DOCK5: variants seen among roughly 807,000 people sequenced by gnomAD.
The protein encoded by DOCK5 is dedicator of cytokinesis protein 5.
In DOCK5, 142 loss-of-function variants were observed where a neutral mutation model predicts 251.8. The observed-to-expected ratio is 0.56, with a 90% CI of 0.49 to 0.65. The LOEUF is 0.65. Ranked by LOEUF, DOCK5 falls within the 30% of genes least tolerant of loss-of-function variation. The pLI, the probability that DOCK5 is intolerant of heterozygous loss-of-function variation, is 0.00. For missense variants in DOCK5, 2,111 were observed against 2,312.3 expected (o/e 0.91, Z 1.79); for synonymous variants, 842 against 835.5 (o/e 1.01, Z -0.13).
At chr8:25,376,003 C>A in intron 37 of DOCK5, 1 of 832,940 alleles carries the variant, frequency 1.2e-6, no homozygotes. Context: ...GAGGCTGAGG[C>A]AGGAGAATCA....
Position 25,340,943 on chromosome 8 carries a change from C to G in DOCK5, c.2394C>G (p.Phe798Leu). ...CAATTCGCCAGTTATTTCTTGCTTT[C>G]AATATGCTGATGGACAGGCCTCTGG... ...NNSIRQLFLAFNMLMDRPLEE... is the reference protein window; with the variant it reads ...NNSIRQLFLALNMLMDRPLEE... The change falls in exon 23 of 52, where the codon TTC becomes TTG. Residue 798 changes from phenylalanine (F) to leucine (L), a missense_variant. Physicochemically the swap from Phe to Leu is conservative, Grantham distance 22. This residue lies in a region of DOCK5 where 1,717 missense variants were observed against 1,892.4 expected (regional missense o/e 0.91). Transcript: ENST00000276440. 6.2e-7 allele frequency: 1 copy of G among 1,613,336 alleles called. No homozygotes were observed. Among genetic ancestry groups the G allele is most frequent in the Non-Finnish European group, 8.5e-7 (1 of 1,179,646 alleles).
chr8:25,390,166 A>C, intron 41 of DOCK5, 40 bp from the exon 42 acceptor site: 1 of 1,537,052 alleles, frequency 6.5e-7, no homozygotes, highest in South Asian at 1.2e-5. Context: ...TGACACCTTC[A>C]CGACCCCAGC....
At position 25,193,712 on chromosome 8, in the gene DOCK5, C is replaced by A. The variant is rs890006520; in HGVS notation, c.43+8761C>A. On this transcript the variant is annotated intron_variant, in intron 1 of 51. Transcript: ENST00000276440. ...CTGGGGAGGTCAAGGCTGCAGTTAG[C>A]TGTGATCGTGCCACTGCACTCCAGC... Among the ~76,000 whole-genome samples, 3 of 152,156 alleles carry A rather than the reference C, an allele frequency of 2.0e-5. No homozygotes were observed. In the East Asian group the frequency reaches 5.8e-4, roughly 30 times the overall value.
rs1049916600 is a variant in DOCK5 at position 25,342,506 on chromosome 8, A to G, written c.2616A>G (p.Ser872=). 12 of 1,575,796 alleles carry G rather than the reference A, an allele frequency of 7.6e-6. No homozygotes were observed. Among genetic ancestry groups the G allele is most frequent in the Non-Finnish European group, 9.5e-6 (11 of 1,157,900 alleles). The part of the protein sequence containing the change: ...KIVESTLFRQ[S]ECREVLLPLL... Reference sequence around the variant, plus strand: ...TAGAGAGCACTCTTTTTCGACAGTCAGGTAAGTCTCCTTCAAAACTTGCTG... The same window carrying G: ...TAGAGAGCACTCTTTTTCGACAGTCGGGTAAGTCTCCTTCAAAACTTGCTG... Residue 872 remains serine (S), a splice_region_variant and synonymous_variant, in exon 25 of 52, where the codon TCA becomes TCG. Coordinates refer to ENST00000276440, the MANE Select transcript of DOCK5 (RefSeq NM_024940.8).
At chr8:25,323,087 A>G (rs1413831808) in intron 16 of DOCK5, among the ~76,000 whole-genome samples, 1 of 152,098 alleles carries the variant, frequency 6.6e-6, no homozygotes, top group African/African-American at 2.4e-5. Flanking sequence ...GCCACAGGTT[A>G]CCCTACTCAG....
chr8:25,206,337 G>A lies in DOCK5; in HGVS notation c.43+21386G>A, dbSNP rs890000062. 4.6e-5 allele frequency among the ~76,000 whole-genome samples: 7 copies of A among 152,244 alleles called. No homozygotes were observed. The East Asian group carries it at 5.8e-4, about 13-fold the overall frequency. On this transcript the variant is annotated intron_variant, in intron 1 of 51. Transcript: ENST00000276440. The stretch of plus-strand genomic sequence containing the variant: ...CTCTTTAACCATTCATGCTGCAATA[G>A]TGTGCTGGTAAACTAGCTCTGTAGA...
At chr8:25,290,687 A>C (rs1804462453) in intron 5 of DOCK5, among the ~76,000 whole-genome samples, 1 of 152,180 alleles carries the variant, frequency 6.6e-6, no homozygotes, top group African/African-American at 2.4e-5. Context: ...TACATTTGCT[A>C]GAGTGCCTAC....
chr8:25,278,468 A>G, intron 4 of DOCK5, 101 bp from the exon 5 acceptor site: 1 of 1,148,630 alleles, frequency 8.7e-7, no homozygotes, highest in Non-Finnish European at 1.3e-6. Flanking sequence ...AGGCCTAACC[A>G]GCTTCATTCT....
chr8:25,403,630 C>G lies in DOCK5; in HGVS notation c.4999C>G (p.Leu1667Val), dbSNP rs1324301433. The change falls in exon 48 of 52, where the codon CTG becomes GTG. Residue 1667 changes from leucine (L) to valine (V), a missense_variant. Physicochemically the swap from Leu to Val is conservative, Grantham distance 32. This residue lies in a region of DOCK5 where 1,717 missense variants were observed against 1,892.4 expected (regional missense o/e 0.91). Transcript: ENST00000276440. ...GCTCCCCTACATCATGTCTTCCACT[C>G]TGCGGAGGTTGTCCATCACCTCAGT... ...IVLPYIMSST[L>V]RRLSITSVTS... 2.5e-6 allele frequency: 4 copies of G among 1,613,990 alleles called. No individual in the cohort carries two copies. Among genetic ancestry groups the G allele is most frequent in the African/African-American group, 1.3e-5 (1 of 75,040 alleles).
intron 27 of DOCK5, among the ~76,000 whole-genome samples, chr8:25,354,027 TAAAAA>T (rs1291938160): frequency 1.3e-4 from 1 of 7,768 alleles, no homozygotes; most frequent in East Asian, 4.9e-3. Flanking sequence ...GACTTTGTCT[TAAAAA>T]AAAAAAAAAA....
intron 5 of DOCK5, among the ~76,000 whole-genome samples, chr8:25,284,973 A>G (rs940335831): frequency 3.3e-5 from 5 of 152,148 alleles, no homozygotes; most frequent in African/African-American, 1.2e-4. Context: ...GTTTCGTGCT[A>G]TTCCTCATCT....
chr8:25,304,426 A>AGAAG, intron 11 of DOCK5, 99 bp downstream of exon 11: 1 of 1,033,232 alleles, frequency 9.7e-7, no homozygotes, highest in Non-Finnish European at 1.4e-6. Flanking sequence ...ATTTTCTCAG[A>AGAAG]GAAGGAAAGA....
In DOCK5 at chr8:25,323,542, C is replaced by T. The variant is rs192417618; in HGVS notation, c.1616-306C>T. 7.2e-5 allele frequency among the ~76,000 whole-genome samples: 11 copies of T among 152,218 alleles called. No individual in the cohort carries two copies. In the East Asian group the frequency reaches 2.1e-3, roughly 29 times the overall value. ...GCAAGATGGAGAGAGAAGAGACAGG[C>T]TCCAGAGCTGTTTAGGACATGGAGT... On this transcript the variant is annotated intron_variant, in intron 16 of 51. Coordinates refer to ENST00000276440, the MANE Select transcript of DOCK5 (RefSeq NM_024940.8).
intron 28 of DOCK5, among the ~76,000 whole-genome samples, chr8:25,361,573 C>T (rs537653996): frequency 1.1e-4 from 16 of 152,196 alleles, no homozygotes; most frequent in East Asian, 1.9e-4. Context: ...GAGATTGTGC[C>T]GCTGCACTCC....
intron 1 of DOCK5, among the ~76,000 whole-genome samples, chr8:25,213,270 C>A (rs1036205975): frequency 6.7e-6 from 1 of 150,116 alleles, no homozygotes; most frequent in Non-Finnish European, 1.5e-5. Flanking sequence ...GTGACTTCTC[C>A]GGGGTCTCTC....
intron 2 of DOCK5, among the ~76,000 whole-genome samples, chr8:25,267,887 G>T (rs1266703359): frequency 4.6e-5 from 7 of 151,686 alleles, no homozygotes; most frequent in African/African-American, 1.7e-4. Flanking sequence ...TTTGGAAACG[G>T]AGTCTCGCTC....
Position 25,389,156 on chromosome 8 carries a change from A to T in DOCK5, c.4197A>T (p.Leu1399Phe), listed in dbSNP as rs1339473936. ...GAGAGGACTTCAGCCTGAGGTTGTT[A>T]ACCCAGTTCCCCAATGCGGAGAAGA... ...ERREDFSLRL[L>F]TQFPNAEKMT... The change falls in exon 41 of 52, where the codon TTA becomes TTT. Residue 1399 changes from leucine (L) to phenylalanine (F), a missense_variant. By Grantham distance (22) the Leu-to-Phe change is conservative (BLOSUM62 0). This residue lies in a region of DOCK5 where 1,717 missense variants were observed against 1,892.4 expected (regional missense o/e 0.91). Coordinates refer to ENST00000276440, the MANE Select transcript of DOCK5 (RefSeq NM_024940.8). 1.4e-5 allele frequency: 22 copies of T among 1,613,866 alleles called. No individual in the cohort carries two copies. Among genetic ancestry groups the T allele is most frequent in the Non-Finnish European group, 1.8e-5 (21 of 1,179,882 alleles).
intron 2 of DOCK5, among the ~76,000 whole-genome samples, chr8:25,249,356 A>G (rs1441923461): frequency 6.6e-6 from 1 of 152,146 alleles, no homozygotes; most frequent in Non-Finnish European, 1.5e-5. Flanking sequence ...TAATTCAAAT[A>G]CCAATCAATT....
chr8:25,409,941 G>A, intron 50 of DOCK5, 158 bp from the exon 51 acceptor site: 1 of 617,856 alleles, frequency 1.6e-6, no homozygotes, highest in Non-Finnish European at 2.9e-6. Context: ...GTGATGTGGG[G>A]TAAGAAGTCT....
Sources: allele counts gnomAD v4.1 joint callset (sites outside exome capture counted in the v4.1 genomes callset), GRCh38; gene constraint gnomAD v4.1.1; regional missense constraint gnomAD v4.1.1; transcripts MANE v1.5; gene names NCBI Gene and HGNC (gene_info 2026-07-23, HGNC 2026-07-21).